The following SMPX variants were observed in gnomAD, a reference collection of about 807,000 sequenced individuals.
The protein encoded by SMPX is small muscular protein.
SMPX carries 2 observed loss-of-function variants against 6.3 expected under a neutral mutation model. That is an observed-to-expected ratio of 0.32 (90% CI 0.13 to 0.99). SMPX has a LOEUF of 0.99. SMPX is among the 50% of genes least tolerant of loss of function. The pLI, the probability that SMPX is intolerant of heterozygous loss-of-function variation, is 0.49. For missense variants in SMPX, 60 were observed against 66.8 expected (o/e 0.90, Z 0.36); for synonymous variants, 32 against 24.7 (o/e 1.30, Z -0.88).
chrX:21,738,296 G>A (rs2092812698), intron 3 of SMPX, among the ~76,000 whole-genome samples: 1 of 111,465 alleles, frequency 9.0e-6, no homozygotes, highest in African/African-American at 3.3e-5. Flanking sequence ...TCCAGTGTCT[G>A]TCACAGAGGT....
At chrX:21,713,269 A>G (rs1214251298) in intron 4 of SMPX, among the ~76,000 whole-genome samples, 1 of 112,251 alleles carries the variant, frequency 8.9e-6, no homozygotes, top group Non-Finnish European at 1.9e-5. Flanking sequence ...ATTCAGATCC[A>G]GAGGGGTTGA....
At chrX:21,757,648 G>A (rs1569310598) in intron 1 of SMPX, among the ~76,000 whole-genome samples, 1 of 111,686 alleles carries the variant, frequency 9.0e-6, no homozygotes, top group Non-Finnish European at 1.9e-5. Flanking sequence ...CTGTAATCCT[G>A]GCCAGCACAG....
Position 21,737,622 on chromosome X carries a change from G to T in SMPX, c.208C>A (p.Leu70Ile), listed in dbSNP as rs779876319. ...AKKLPGPAVNLSEIQNIKSEL... is the reference protein window; with the variant it reads ...AKKLPGPAVNISEIQNIKSEL... ...CTTTTAATATTCTGGATTTCCGATAGATTGACTGCAGGTCCTGGAAGTTTC... is the reference window on the plus strand; with the variant it reads ...CTTTTAATATTCTGGATTTCCGATATATTGACTGCAGGTCCTGGAAGTTTC... Residue 70 changes from leucine to isoleucine, a missense_variant, in exon 4 of 5, where the codon CTA becomes ATA. Physicochemically the swap from Leu to Ile is conservative, Grantham distance 5. Coordinates refer to ENST00000379494, the MANE Select transcript of SMPX (RefSeq NM_014332.3). 1.7e-6 allele frequency: 2 copies of T among 1,204,481 alleles called. No homozygotes were observed. The highest frequency in any genetic ancestry group is 3.5e-5 in the South Asian group (2 of 56,819).
intron 2 of SMPX, among the ~76,000 whole-genome samples, chrX:21,746,650 G>T (rs1262438579): frequency 1.2e-4 from 10 of 86,418 alleles, no homozygotes; most frequent in East Asian, 3.8e-4. Flanking sequence ...ACTTAAATGG[G>T]TTTTTTTTTT....
At chrX:21,747,037 A>G (rs991771243) in intron 2 of SMPX, among the ~76,000 whole-genome samples, 2 of 111,795 alleles carry the variant, frequency 1.8e-5, no homozygotes, top group African/African-American at 6.5e-5. Context: ...TAATTTTTCT[A>G]CCTACAAATT....
intron 4 of SMPX, among the ~76,000 whole-genome samples, chrX:21,729,975 T>C (rs911493743): frequency 1.8e-5 from 2 of 112,212 alleles, no homozygotes; most frequent in Non-Finnish European, 3.8e-5. Context: ...GAACAAGACC[T>C]TGATACAGTT....
At chrX:21,720,959 T>C (rs924504686) in intron 4 of SMPX, among the ~76,000 whole-genome samples, 1 of 112,636 alleles carries the variant, frequency 8.9e-6, no homozygotes, top group African/African-American at 3.2e-5. Flanking sequence ...TAATGAGTCA[T>C]TCCCAAAGGG....
chrX:21,722,845 A>G (rs1254163980), intron 4 of SMPX, among the ~76,000 whole-genome samples: 1 of 111,393 alleles, frequency 9.0e-6, no homozygotes, highest in African/African-American at 3.3e-5. Flanking sequence ...CAGTTTTCTC[A>G]CCTGTAAAAT....
chrX:21,735,844 A>C (rs1395152551), intron 4 of SMPX, among the ~76,000 whole-genome samples: 3 of 111,615 alleles, frequency 2.7e-5, no homozygotes, highest in Non-Finnish European at 5.7e-5. Flanking sequence ...TTTCATCCCT[A>C]CCATATTGAA....
chrX:21,726,194 C>G (rs1315089532), intron 4 of SMPX, among the ~76,000 whole-genome samples: 1 of 112,108 alleles, frequency 8.9e-6, no homozygotes, highest in Non-Finnish European at 1.9e-5. Context: ...TCCAGCACAT[C>G]AAGTGTCCAG....
chrX:21,733,815 C>A lies in SMPX; in HGVS notation c.*14+3734G>T, dbSNP rs1602106265. The stretch of plus-strand genomic sequence containing the variant: ...TGTGGGGTTTTATTTTGTTATGCTC[C>A]AAAAGTTTAAGACGTAGTGCCTAGA... On this transcript the variant is annotated intron_variant, in intron 4 of 4. Coordinates refer to ENST00000379494, the MANE Select transcript of SMPX (RefSeq NM_014332.3). 4 of 316,809 alleles carry A rather than the reference C, an allele frequency of 1.3e-5. No homozygotes were observed. In the East Asian group the frequency reaches 3.9e-4, roughly 31 times the overall value. 26.1% of individuals were successfully genotyped at this position (316,809 alleles called of 1,213,427 possible). A position where few individuals can be genotyped will look rare whatever the true frequency, so the allele number is the denominator to read the frequency against.
intron 4 of SMPX, among the ~76,000 whole-genome samples, chrX:21,731,554 T>C (rs373389128): frequency 0.046 from 2,101 of 45,496 alleles, 207 homozygotes; most frequent in East Asian, 0.071. Context: ...TATGTGTATA[T>C]ATACACATTA....
chrX:21,715,030 G>A (rs1223955061), intron 4 of SMPX, among the ~76,000 whole-genome samples: 1 of 110,827 alleles, frequency 9.0e-6, no homozygotes, highest in Non-Finnish European at 1.9e-5. Context: ...AAAGCTGCCG[G>A]GGGAAGTTTA....
chrX:21,748,837 T>C (rs1044877010), intron 2 of SMPX, among the ~76,000 whole-genome samples: 6 of 112,724 alleles, frequency 5.3e-5, no homozygotes, highest in African/African-American at 1.9e-4. Context: ...GTGTGATCAT[T>C]ATGATTTTTA....
intron 4 of SMPX, among the ~76,000 whole-genome samples, chrX:21,717,491 T>A (rs2092786538): frequency 8.9e-6 from 1 of 112,612 alleles, no homozygotes; most frequent in Non-Finnish European, 1.9e-5. Context: ...GAAATCAATG[T>A]ATGTTTCTTT....
At chrX:21,748,016 T>A in intron 2 of SMPX, among the ~76,000 whole-genome samples, 1 of 112,252 alleles carries the variant, frequency 8.9e-6, no homozygotes, top group Non-Finnish European at 1.9e-5. Flanking sequence ...CGGAGCAAGA[T>A]ATGACATTTT....
intron 4 of SMPX, among the ~76,000 whole-genome samples, chrX:21,736,609 G>A (rs1477665831): frequency 8.9e-6 from 1 of 112,014 alleles, no homozygotes; most frequent in Non-Finnish European, 1.9e-5. Flanking sequence ...GCAGCATGTA[G>A]TGAACACTCA....
chrX:21,737,494 C>T (rs1263923072), intron 4 of SMPX, 55 bp downstream of exon 4: 1 of 1,067,872 alleles, frequency 9.4e-7, no homozygotes, highest in African/African-American at 1.8e-5. Flanking sequence ...GGAAGGCTTC[C>T]TTAAACCATT....
chrX:21,718,030 G>A (rs1052167097), intron 4 of SMPX, among the ~76,000 whole-genome samples: 1 of 112,178 alleles, frequency 8.9e-6, no homozygotes, highest in East Asian at 2.8e-4. Context: ...ACACAGGCCC[G>A]AAGGGTCATG....
Sources: gnomAD v4.1 joint callset for allele counts (sites outside exome capture counted in the v4.1 genomes callset) on GRCh38, gnomAD v4.1.1 for gene constraint, MANE v1.5 for transcripts, NCBI Gene and HGNC (gene_info 2026-07-23, HGNC 2026-07-21) for gene names.